Variants in SYTL5 observed in about 807,000 individuals in gnomAD.
SYTL5 encodes synaptotagmin like 5.
A neutral mutation model predicts 55.9 loss-of-function variants in SYTL5; 34 were observed. The observed-to-expected ratio is 0.61, with a 90% CI of 0.46 to 0.81. SYTL5 has a LOEUF of 0.81. Among genes scored for constraint, SYTL5 ranks in the 30% least tolerant of loss-of-function variants. The pLI, the probability that SYTL5 is intolerant of heterozygous loss-of-function variation, is 0.00. For missense variants in SYTL5, 637 were observed against 546.7 expected, an observed-to-expected ratio of 1.17 and a Z score of -1.65; for synonymous variants, 221 against 188.7, an observed-to-expected ratio of 1.17 and a Z score of -1.40.
chrX:38,042,402 C>T (rs1935312745), intron 2 of SYTL5, among the ~76,000 whole-genome samples: 1 of 111,170 alleles, frequency 9.0e-6, no homozygotes, highest in Non-Finnish European at 1.9e-5. Flanking sequence ...TCCACAAATA[C>T]TGTGTTTTCA....
the SYTL5 span, among the ~76,000 whole-genome samples, chrX:37,983,102 G>T: frequency 1.8e-3 from 202 of 111,208 alleles, 1 homozygote; most frequent in South Asian, 0.016. Context: ...GCAAAAGGAA[G>T]CAGTAAAGCA....
intron 7 of SYTL5, among the ~76,000 whole-genome samples, chrX:38,093,645 A>G (rs769327528): frequency 1.8e-5 from 2 of 111,696 alleles, no homozygotes; most frequent in East Asian, 5.6e-4. Flanking sequence ...GAATTCTACC[A>G]CATGTACAAG....
chrX:37,924,769 A>G, the SYTL5 span, among the ~76,000 whole-genome samples: 1 of 111,397 alleles, frequency 9.0e-6, no homozygotes. Context: ...ACATGTACCC[A>G]AAAGGAGTAC....
At chrX:37,934,481 CTGAT>C in the SYTL5 span, among the ~76,000 whole-genome samples, 1 of 106,701 alleles carries the variant, frequency 9.4e-6, no homozygotes, top group African/African-American at 3.4e-5. Context: ...TGATAATAGA[CTGAT>C]TGAGATAATC....
chrX:37,961,226 C>T, the SYTL5 span, among the ~76,000 whole-genome samples: 4 of 111,214 alleles, frequency 3.6e-5, no homozygotes, highest in African/African-American at 1.3e-4. Flanking sequence ...GGCAGAATAC[C>T]ATAGACTGGG....
At chrX:37,905,654 G>A in the SYTL5 span, among the ~76,000 whole-genome samples, 1 of 112,356 alleles carries the variant, frequency 8.9e-6, no homozygotes, top group Non-Finnish European at 1.9e-5. Context: ...GCATCCTGAA[G>A]CCCGTTTGGC....
At chrX:37,977,700 TCACACACACACACACACA>T in the SYTL5 span, among the ~76,000 whole-genome samples, 29 of 82,555 alleles carry the variant, frequency 3.5e-4, no homozygotes, top group Middle Eastern at 6.5e-3. Context: ...GGACCAATGA[TCACACACACACACACACA>T]CACACACACA....
At chrX:38,095,425 T>C (rs1310916925) in intron 8 of SYTL5, among the ~76,000 whole-genome samples, 1 of 112,029 alleles carries the variant, frequency 8.9e-6, no homozygotes, top group Non-Finnish European at 1.9e-5. Flanking sequence ...ATCTTTCTCA[T>C]TTATAAGTAA....
intron 2 of SYTL5, among the ~76,000 whole-genome samples, chrX:38,034,777 A>G (rs1192066404): frequency 1.8e-5 from 2 of 111,856 alleles, no homozygotes; most frequent in East Asian, 5.6e-4. Flanking sequence ...CATTGTTCTG[A>G]TCATTTGCAA....
chrX:38,044,774 C>T (rs1935409181), intron 2 of SYTL5, among the ~76,000 whole-genome samples: 2 of 111,613 alleles, frequency 1.8e-5, no homozygotes, highest in African/African-American at 3.2e-5. Flanking sequence ...TTTTAATACT[C>T]GAGCAAGGTA....
At chrX:38,028,704 GT>G (rs942367850) in intron 1 of SYTL5, among the ~76,000 whole-genome samples, 5 of 111,549 alleles carry the variant, frequency 4.5e-5, no homozygotes, top group Admixed American at 9.5e-5. Flanking sequence ...AGTCCTGAAA[GT>G]TTTTTTCTTT....
intron 1 of SYTL5, among the ~76,000 whole-genome samples, chrX:38,012,273 A>G (rs1855753610): frequency 8.9e-6 from 1 of 112,376 alleles, no homozygotes; most frequent in Non-Finnish European, 1.9e-5. Context: ...AGAGAATATC[A>G]GGACTTGGAA....
At chrX:38,105,344 A>G (rs767007523) in intron 10 of SYTL5, among the ~76,000 whole-genome samples, 1 of 113,095 alleles carries the variant, frequency 8.8e-6, no homozygotes, top group Non-Finnish European at 1.9e-5. Flanking sequence ...CGTGTGCCCA[A>G]GGTGCTCAGA....
chrX:37,922,645 T>C, the SYTL5 span, among the ~76,000 whole-genome samples: 1 of 111,975 alleles, frequency 8.9e-6, no homozygotes, highest in South Asian at 3.8e-4. Flanking sequence ...CACTATAGTA[T>C]AATTCAAATG....
the SYTL5 span, among the ~76,000 whole-genome samples, chrX:37,930,107 T>C: frequency 1.4e-3 from 153 of 112,022 alleles, 1 homozygote; most frequent in East Asian, 5.9e-3. Context: ...CTTACCCTAG[T>C]AGATTCTGTG....
At chrX:38,002,517 C>T (rs1251951871), upstream of SYTL5, among the ~76,000 whole-genome samples, 1 of 111,945 alleles carries the variant, frequency 8.9e-6, no homozygotes, top group African/African-American at 3.2e-5. Flanking sequence ...CACATCCTCT[C>T]CAGCACCTGT....
chrX:37,922,342 G>A, the SYTL5 span, among the ~76,000 whole-genome samples: 1 of 111,637 alleles, frequency 9.0e-6, no homozygotes, highest in Non-Finnish European at 1.9e-5. Flanking sequence ...CAAATTGTCT[G>A]CAGTTATAAT....
At chrX:38,090,616 A>C (rs769922337) in intron 7 of SYTL5, among the ~76,000 whole-genome samples, 1 of 112,162 alleles carries the variant, frequency 8.9e-6, no homozygotes, top group Non-Finnish European at 1.9e-5. Flanking sequence ...CAATTATTTG[A>C]CTCAACCAAC....
intron 8 of SYTL5, among the ~76,000 whole-genome samples, chrX:38,095,635 AGCCTC>A (rs1176153519): frequency 8.9e-6 from 1 of 112,242 alleles, no homozygotes; most frequent in African/African-American, 3.2e-5. Context: ...TTGCATCTAT[AGCCTC>A]TCATTTTTGT....
Sources: gnomAD v4.1 joint callset for allele counts (sites outside exome capture counted in the v4.1 genomes callset) on GRCh38, gnomAD v4.1.1 for gene constraint, MANE v1.5 for transcripts, NCBI Gene and HGNC (gene_info 2026-07-23, HGNC 2026-07-21) for gene names.